Variants in AFAP1 observed in about 807,000 individuals in gnomAD.
AFAP1 encodes the protein actin filament-associated protein 1.
A neutral mutation model predicts 93.9 loss-of-function variants in AFAP1; 75 were observed. The ratio of observed to expected loss-of-function variants is 0.80; its 90% CI spans 0.66 to 0.97. The LOEUF (loss-of-function observed/expected upper bound fraction) is 0.97, where lower values mean the gene tolerates loss of function less well. Among genes scored for constraint, AFAP1 ranks in the 50% least tolerant of loss-of-function variants. The pLI is 0.00. For synonymous variants in AFAP1, 517 were observed against 430.7 expected (o/e 1.20, Z -2.48); for missense variants, 1,201 against 1,050.8 (o/e 1.14, Z -1.98).
At chr4:7,895,968 C>T (rs1718742750) in intron 1 of AFAP1, among the ~76,000 whole-genome samples, 1 of 148,256 alleles carries the variant, frequency 6.7e-6, no homozygotes, top group African/African-American at 2.5e-5. Context: ...TGAAGCGATT[C>T]TCCTGCCTCA....
chr4:7,889,539 T>TC (rs1228529288), intron 1 of AFAP1, among the ~76,000 whole-genome samples: 2 of 78,724 alleles, frequency 2.5e-5, no homozygotes, highest in East Asian at 5.7e-4. Flanking sequence ...GGCAACTCCA[T>TC]CCCAAAAAAA....
intron 6 of AFAP1, among the ~76,000 whole-genome samples, chr4:7,822,698 C>A (rs1384513195): frequency 1.3e-5 from 2 of 150,990 alleles, no homozygotes; most frequent in African/African-American, 4.9e-5. Context: ...CATTCTCCTG[C>A]CTCAGCCTCC....
At chr4:7,890,886 G>A (rs533642644) in intron 1 of AFAP1, among the ~76,000 whole-genome samples, 2 of 152,106 alleles carry the variant, frequency 1.3e-5, no homozygotes, top group East Asian at 3.9e-4. Context: ...AAATGTACAC[G>A]TACCATGAGA....
At chr4:7,793,920 C>T (rs1276772181) in intron 10 of AFAP1, 94 bp from the exon 11 acceptor site, 37 of 1,307,962 alleles carry the variant, frequency 2.8e-5, no homozygotes, top group South Asian at 2.7e-4. Context: ...ATAGGAAAGG[C>T]GATGAAACAT....
At chr4:7,803,603 A>G (rs530763210) in intron 9 of AFAP1, among the ~76,000 whole-genome samples, 18 of 152,110 alleles carry the variant, frequency 1.2e-4, no homozygotes, top group African/African-American at 3.9e-4. Flanking sequence ...TGGGGCGGCA[A>G]TTCCCAACCA....
intron 1 of AFAP1, among the ~76,000 whole-genome samples, chr4:7,926,713 C>T (rs1429328987): frequency 6.6e-6 from 1 of 152,106 alleles, no homozygotes; most frequent in Non-Finnish European, 1.5e-5. Context: ...TAGAATGAGT[C>T]AGCCCAGCCA....
intron 1 of AFAP1, among the ~76,000 whole-genome samples, chr4:7,916,598 C>CCCCT (rs1486717479): frequency 3.3e-5 from 5 of 152,084 alleles, no homozygotes; most frequent in African/African-American, 1.2e-4. Context: ...CAGGATGACT[C>CCCCT]CCCTCCCCCT....
In AFAP1 at chr4:7,763,354, GC is replaced by G. The variant is rs1438469729; in HGVS notation, c.*410del. 8 of 201,210 alleles carry G rather than the reference GC, an allele frequency of 4.0e-5. No homozygotes were observed. In the Admixed American group the frequency reaches 4.4e-4, roughly 11 times the overall value. 12.5% of individuals were successfully genotyped at this position (201,210 alleles called of 1,614,324 possible). On this transcript the variant is annotated 3_prime_UTR_variant, in exon 18 of 18. Transcript: ENST00000420658. ...ATGGCCAGCCACACTCATGCCCGGG[GC>G]AGCCGGGGATCCAAGCTCTTCCCTG...
intron 1 of AFAP1, among the ~76,000 whole-genome samples, chr4:7,914,829 C>G (rs1719980781): frequency 6.6e-6 from 1 of 152,104 alleles, no homozygotes; most frequent in Non-Finnish European, 1.5e-5. Context: ...CTCACTGTAG[C>G]CTCCACCTCC....
chr4:7,770,211 C>T (rs1384088679), intron 16 of AFAP1, among the ~76,000 whole-genome samples: 2 of 152,176 alleles, frequency 1.3e-5, no homozygotes, highest in African/African-American at 4.8e-5. Context: ...CCAAAGGATA[C>T]TTGGGACAAA....
Position 7,855,572 on chromosome 4 carries a change from A to T in AFAP1, c.228T>A (p.Pro76=). ...PLPEIPQPWL[P]PDSGPPPLPT... is the part of the protein sequence containing the mutation. ...GCAATGGTGGAGGCCCACTGTCAGGAGGCTGAGGAAGAAAGGAAAAGTGAC... is the reference window on the plus strand; with the variant it reads ...GCAATGGTGGAGGCCCACTGTCAGGTGGCTGAGGAAGAAAGGAAAAGTGAC... The change falls in exon 4 of 18, where the codon CCT becomes CCA. Residue 76 remains proline, a splice_region_variant and synonymous_variant. Coordinates refer to ENST00000420658, the MANE Select transcript of AFAP1 (RefSeq NM_001134647.2). 6.2e-7 allele frequency: 1 copy of T among 1,608,890 alleles called. No homozygotes were observed. The highest frequency in any genetic ancestry group is 8.5e-7 in the Non-Finnish European group (1 of 1,175,348).
At chr4:7,913,353 A>G (rs553089754) in intron 1 of AFAP1, among the ~76,000 whole-genome samples, 1 of 149,276 alleles carries the variant, frequency 6.7e-6, no homozygotes, top group South Asian at 2.1e-4. Context: ...TCGCACCACT[A>G]CACTCCAGCC....
Position 7,781,264 on chromosome 4 carries a change from AAC to A in AFAP1, c.1782+110_1782+111del, listed in dbSNP as rs1179212052. The A allele has an allele frequency of 2.2e-6, 3 of 1,352,986 alleles. No individual in the cohort carries two copies. In the East Asian group the frequency reaches 7.6e-5, roughly 34 times the overall value. 83.8% of individuals were successfully genotyped at this position (1,352,986 alleles called of 1,614,324 possible). On this transcript the variant is annotated intron_variant, in intron 13 of 17. Transcript: ENST00000420658. ...ATTATATTCTAGTTGAGAAAAAAAA[AAC>A]ACATTATGCTTTGCCTTTGATGAGT...
At chr4:7,829,070 C>T (rs1159364713) in intron 6 of AFAP1, among the ~76,000 whole-genome samples, 2 of 152,208 alleles carry the variant, frequency 1.3e-5, no homozygotes, top group Non-Finnish European at 2.9e-5. Context: ...CCGCACTTCT[C>T]TCCTGCTGCC....
chr4:7,893,869 C>T (rs1388808429), intron 1 of AFAP1, among the ~76,000 whole-genome samples: 1 of 152,166 alleles, frequency 6.6e-6, no homozygotes, highest in Non-Finnish European at 1.5e-5. Context: ...AGGGTGTTTC[C>T]AGTGTAGAAG....
chr4:7,863,033 C>T (rs1445250062), intron 3 of AFAP1, among the ~76,000 whole-genome samples: 2 of 152,160 alleles, frequency 1.3e-5, no homozygotes, highest in African/African-American at 4.8e-5. Flanking sequence ...ACCTGGGGCT[C>T]GCCTTCTCAA....
chr4:7,868,742 C>T (rs1385121583), intron 2 of AFAP1, 23 bp from the exon 3 acceptor site: 3 of 1,606,382 alleles, frequency 1.9e-6, no homozygotes, highest in Non-Finnish European at 2.6e-6. Context: ...ACCAGAACCA[C>T]AGAACTGGAT....
In AFAP1 at chr4:7,849,158, A is replaced by G. The variant is rs149678421; in HGVS notation, c.335-5808T>C. ...AGACCCTGCCTTTTCGTTTCAATGC[A>G]CTGGCTTTGCTGAGGCCATAAGCAG... On this transcript the variant is annotated intron_variant, in intron 4 of 17. Transcript: ENST00000420658. Among the ~76,000 whole-genome samples the G allele has an allele frequency of 4.0e-3, 609 of 152,258 alleles. 7 individuals are homozygous for G. The highest frequency in any genetic ancestry group is 0.013 in the African/African-American group (529 of 41,550).
chr4:7,913,036 T>A (rs191049043), intron 1 of AFAP1, among the ~76,000 whole-genome samples: 5 of 152,104 alleles, frequency 3.3e-5, no homozygotes, highest in African/African-American at 1.2e-4. Flanking sequence ...TTTGTAGAGA[T>A]AGGATCTTGT....
Sources: allele counts gnomAD v4.1 joint callset (sites outside exome capture counted in the v4.1 genomes callset), GRCh38; gene constraint gnomAD v4.1.1; transcripts MANE v1.5; gene names NCBI Gene and HGNC (gene_info 2026-07-23, HGNC 2026-07-21).